The following RALGPS2 variants were observed in gnomAD, a reference collection of about 807,000 sequenced individuals.
RALGPS2 encodes the protein Ral GEF with PH domain and SH3 binding motif 2.
A neutral mutation model predicts 86.8 loss-of-function variants in RALGPS2; 43 were observed. The ratio of observed to expected loss-of-function variants is 0.50; its 90% CI spans 0.39 to 0.64. The LOEUF (loss-of-function observed/expected upper bound fraction) is 0.64. RALGPS2 is among the 30% of genes least tolerant of loss of function. The pLI, the probability that RALGPS2 is intolerant of heterozygous loss-of-function variation, is 0.00. For synonymous variants in RALGPS2, 243 were observed against 231.3 expected, an observed-to-expected ratio of 1.05 and a Z score of -0.46; for missense variants, 536 against 694.6, an observed-to-expected ratio of 0.77 and a Z score of 2.57.
At chr1:178,750,937 GGT>G (rs1285145306) in intron 1 of RALGPS2, among the ~76,000 whole-genome samples, 3 of 152,036 alleles carry the variant, frequency 2.0e-5, no homozygotes, top group Non-Finnish European at 4.4e-5. Flanking sequence ...TTTATTTTTG[GGT>G]GTGTTCATGT....
intron 5 of RALGPS2, among the ~76,000 whole-genome samples, chr1:178,810,277 C>T (rs1000493668): frequency 2.6e-5 from 4 of 151,994 alleles, no homozygotes; most frequent in Non-Finnish European, 4.4e-5. Flanking sequence ...GTCTCAGCTA[C>T]TTAGGAGGCT....
intron 4 of RALGPS2, among the ~76,000 whole-genome samples, chr1:178,804,320 A>C (rs1383658655): frequency 7.0e-6 from 1 of 143,268 alleles, no homozygotes; most frequent in Non-Finnish European, 1.5e-5. Flanking sequence ...GTACATGTGC[A>C]CATTGTGCAG....
At chr1:178,733,242 C>T (rs1180119483) in intron 1 of RALGPS2, among the ~76,000 whole-genome samples, 1 of 152,150 alleles carries the variant, frequency 6.6e-6, no homozygotes, top group East Asian at 1.9e-4. Context: ...TAAATAAGAA[C>T]ATCTACTCAT....
Position 178,852,809 on chromosome 1 carries a change from G to C in RALGPS2, c.607+19259G>C, listed in dbSNP as rs780893309. On this transcript the variant is annotated intron_variant, in intron 8 of 19. Transcript: ENST00000367635. Reference sequence around the variant, plus strand: ...CTATAGAATTCACTTTCAGGTTCCAGACGAAAGCTGCTGTATTCTGCATAG... The same window carrying C: ...CTATAGAATTCACTTTCAGGTTCCACACGAAAGCTGCTGTATTCTGCATAG... The C allele has an allele frequency of 2.0e-5, 32 of 1,613,772 alleles. No homozygotes were observed. The East Asian group carries it at 2.9e-4, about 15-fold the overall frequency.
rs1024388940 is a variant in RALGPS2, at chr1:178,776,689, G to A, written c.-76G>A. 3 of 1,004,770 alleles carry A rather than the reference G, an allele frequency of 3.0e-6. No homozygotes were observed. Among genetic ancestry groups the A allele is most frequent in the African/African-American group, 1.7e-5 (1 of 58,818 alleles). 62.2% of individuals were successfully genotyped at this position (1,004,770 alleles called of 1,614,324 possible). A position where few individuals can be genotyped will look rare whatever the true frequency, so the allele number is the denominator to read the frequency against. On this transcript the variant is annotated 5_prime_UTR_variant, in exon 2 of 20. An upstream start codon of the reference 5' UTR is lost. Transcript: ENST00000367635. ...TTTTTTTTTTTTTTACAGGAATAAT[G>A]TATTTGTGGCCTTGGACATGAGGCA...
At chr1:178,837,438 A>G (rs1174580366) in intron 8 of RALGPS2, among the ~76,000 whole-genome samples, 1 of 152,188 alleles carries the variant, frequency 6.6e-6, no homozygotes, top group African/African-American at 2.4e-5. Flanking sequence ...GTACCACACT[A>G]CAGCCTGGTG....
chr1:178,795,579 A>G (rs1487866369), intron 4 of RALGPS2, among the ~76,000 whole-genome samples: 2 of 151,764 alleles, frequency 1.3e-5, no homozygotes, highest in East Asian at 1.9e-4. Context: ...ACACCTGGCT[A>G]ATTTTTGTAT....
At chr1:178,847,221 G>A (rs1229793890) in intron 8 of RALGPS2, among the ~76,000 whole-genome samples, 2 of 152,152 alleles carry the variant, frequency 1.3e-5, no homozygotes, top group Admixed American at 6.5e-5. Context: ...CAAAGCAGGC[G>A]GATCACCTGA....
At chr1:178,847,497 A>AT (rs1181429658) in intron 8 of RALGPS2, among the ~76,000 whole-genome samples, 3 of 151,824 alleles carry the variant, frequency 2.0e-5, no homozygotes, top group Non-Finnish European at 2.9e-5. Context: ...TAAGATGGCC[A>AT]TTTTTTCAGG....
chr1:178,815,054 G>T (rs1023951187), intron 6 of RALGPS2, among the ~76,000 whole-genome samples: 1 of 151,818 alleles, frequency 6.6e-6, no homozygotes, highest in Non-Finnish European at 1.5e-5. Flanking sequence ...TTTATTGTGT[G>T]TGTTTTGGTT....
rs573739910 is a variant in RALGPS2 at position 178,920,733 on chromosome 1, T to C, written c.*4374T>C. Reference sequence around the variant, plus strand: ...GATGTTTTGAGCATACATTTAATTGTAAGGCCTTTTGGAAAAGCCCTAAAA... The same window carrying C: ...GATGTTTTGAGCATACATTTAATTGCAAGGCCTTTTGGAAAAGCCCTAAAA... On this transcript the variant is annotated 3_prime_UTR_variant, in exon 20 of 20. Coordinates refer to ENST00000367635, the MANE Select transcript of RALGPS2 (RefSeq NM_152663.5). 6 of 152,166 alleles carry C rather than the reference T, an allele frequency of 3.9e-5. No individual in the cohort carries two copies. In the Middle Eastern group the frequency reaches 0.01, roughly 259 times the overall value. The allele number at this position is 152,166 out of a possible 1,614,324, so 9.4% of individuals were successfully genotyped here.
At chr1:178,799,693 C>G (rs1386059114) in intron 4 of RALGPS2, among the ~76,000 whole-genome samples, 1 of 152,132 alleles carries the variant, frequency 6.6e-6, no homozygotes, top group African/African-American at 2.4e-5. Context: ...TCTTTTGATT[C>G]TGAGCAATGC....
At chr1:178,763,972 G>A (rs979733957) in intron 1 of RALGPS2, among the ~76,000 whole-genome samples, 1 of 151,872 alleles carries the variant, frequency 6.6e-6, no homozygotes, top group African/African-American at 2.4e-5. Flanking sequence ...ATATTCTCTT[G>A]TCTGTGTGGA....
intron 8 of RALGPS2, among the ~76,000 whole-genome samples, chr1:178,844,331 A>G (rs1656762252): frequency 6.6e-6 from 1 of 152,240 alleles, no homozygotes; most frequent in South Asian, 2.1e-4. Context: ...TCTCCCCTAA[A>G]AATGAGAACC....
intron 18 of RALGPS2, among the ~76,000 whole-genome samples, chr1:178,903,709 C>G (rs1660274226): frequency 6.6e-6 from 1 of 152,128 alleles, no homozygotes; most frequent in African/African-American, 2.4e-5. Context: ...GTGTAGTATT[C>G]TATCACATAT....
intron 8 of RALGPS2, among the ~76,000 whole-genome samples, chr1:178,841,298 C>T (rs1308859844): frequency 6.6e-6 from 1 of 150,802 alleles, no homozygotes; most frequent in African/African-American, 2.4e-5. Flanking sequence ...AAAGCTTATC[C>T]ACCATGATCA....
intron 1 of RALGPS2, 104 bp downstream of exon 1, chr1:178,725,523 GA>G (rs1649922034): frequency 6.5e-6 from 1 of 153,060 alleles, no homozygotes; most frequent in African/African-American, 2.4e-5. Flanking sequence ...CGGCGCTGCG[GA>G]GTGTGGCTCT....
chr1:178,732,638 C>A lies in RALGPS2; in HGVS notation c.-84+7219C>A, dbSNP rs948550106. 2.0e-5 allele frequency among the ~76,000 whole-genome samples: 3 copies of A among 151,974 alleles called. No homozygotes were observed. The South Asian group carries it at 6.2e-4, about 32-fold the overall frequency. The stretch of plus-strand genomic sequence containing the variant: ...AATAGGAGTACCTTTAATATTTCAT[C>A]ATTAATTATAATGCCTTACTATTGG... On this transcript the variant is annotated intron_variant, in intron 1 of 19. Transcript: ENST00000367635.
intron 17 of RALGPS2, among the ~76,000 whole-genome samples, chr1:178,899,968 T>A (rs1276594474): frequency 6.6e-6 from 1 of 151,984 alleles, no homozygotes; most frequent in Non-Finnish European, 1.5e-5. Flanking sequence ...TTCTTAGAAA[T>A]GACAATTACG....
Sources: gnomAD v4.1 joint callset for allele counts (sites outside exome capture counted in the v4.1 genomes callset) on GRCh38, gnomAD v4.1.1 for gene constraint, MANE v1.5 for transcripts, NCBI Gene and HGNC (gene_info 2026-07-23, HGNC 2026-07-21) for gene names.